The following WRAP53 variants were observed in gnomAD, a reference collection of about 807,000 sequenced individuals.
WRAP53 encodes the protein WD repeat containing antisense to TP53, also known as telomerase Cajal body protein 1.
In WRAP53, 28 loss-of-function variants were observed where a neutral mutation model predicts 56.6. The ratio of observed to expected loss-of-function variants is 0.50; its 90% CI spans 0.37 to 0.68. The LOEUF is 0.68. Among genes scored for constraint, WRAP53 ranks in the 30% least tolerant of loss-of-function variants. WRAP53 has a pLI of 0.00. For synonymous variants in WRAP53, 283 were observed against 283.4 expected (o/e 1.00, Z 0.01); for missense variants, 671 against 715.5 (o/e 0.94, Z 0.71).
In WRAP53 at chr17:7,703,322, G is replaced by A; in HGVS notation, c.1483G>A (p.Gly495Arg). The change falls in exon 11 of 11, where the codon GGA becomes AGA. Residue 495 changes from glycine (G) to arginine (R), a missense_variant. This residue lies in a region of WRAP53 where 107 missense variants were observed against 81.3 expected (regional missense o/e 1.32). Coordinates refer to ENST00000396463, the MANE Select transcript of WRAP53 (RefSeq NM_001143992.2). ...TGAGCCCACAGAGAGTGGGGACGAA[G>A]GAGAGGAGCTGGGCCTTCCCTTGCT... ...FPEPTESGDEGEELGLPLLST... is the reference protein window; with the variant it reads ...FPEPTESGDEREELGLPLLST... The A allele has an allele frequency of 2.5e-6, 4 of 1,614,046 alleles. No homozygotes were observed. The highest frequency in any genetic ancestry group is 1.3e-5 in the African/African-American group (1 of 75,022).
rs1418483611 is a variant in WRAP53, at chr17:7,701,440, G to C, written c.732-19G>C. On this transcript the variant is annotated intron_variant, in intron 5 of 10. Transcript: ENST00000396463. This position sits in a 1 kb window ranked among gnomAD's most constrained non-coding sequence, Gnocchi z 4.2. ...TTCCTTTGACAGCACCGGGGTTTCA[G>C]TGTCCATGTCTCTCTCAGCGTGGCC... 6.2e-7 allele frequency: 1 copy of C among 1,614,058 alleles called. No individual in the cohort carries two copies. The highest frequency in any genetic ancestry group is 1.1e-5 in the South Asian group (1 of 91,084).
Position 7,701,956 on chromosome 17 carries a change from T to C in WRAP53, c.955+167T>C, listed in dbSNP as rs2074281686. ...GAGGAGCAAACAGGCTCAGAGCAGG[T>C]AGGAAACCTTCCCAAGGCCAACCAG... On this transcript the variant is annotated intron_variant, in intron 7 of 10. Coordinates refer to ENST00000396463, the MANE Select transcript of WRAP53 (RefSeq NM_001143992.2). This position sits in a 1 kb window ranked among gnomAD's most constrained non-coding sequence, Gnocchi z 4.2. 2 of 1,205,354 alleles carry C rather than the reference T, an allele frequency of 1.7e-6. No homozygotes were observed. The highest frequency in any genetic ancestry group is 5.1e-5 in the East Asian group (2 of 39,372). 74.7% of individuals were successfully genotyped at this position (1,205,354 alleles called of 1,614,324 possible).
chr17:7,699,814 G>A (rs1393892807), intron 4 of WRAP53, among the ~76,000 whole-genome samples: 3 of 150,406 alleles, frequency 2.0e-5, no homozygotes, highest in Non-Finnish European at 3.0e-5. Context: ...AGCTCACTGT[G>A]GTCTCTATCT....
intron 4 of WRAP53, among the ~76,000 whole-genome samples, chr17:7,695,724 A>G (rs748755473): frequency 3.9e-5 from 6 of 152,150 alleles, no homozygotes; most frequent in Non-Finnish European, 7.4e-5. Context: ...GCCAAAAGCC[A>G]GGGTCTCTCT....
At chr17:7,694,675 GATCCTGTCTCT>G (rs2074158773) in intron 4 of WRAP53, among the ~76,000 whole-genome samples, 1 of 152,052 alleles carries the variant, frequency 6.6e-6, no homozygotes, top group Non-Finnish European at 1.5e-5. Flanking sequence ...AACACAGCCA[GATCCTGTCTCT>G]ATCAAAAAAG....
chr17:7,695,044 C>T (rs1016895133), intron 4 of WRAP53, among the ~76,000 whole-genome samples: 4 of 152,114 alleles, frequency 2.6e-5, no homozygotes, highest in African/African-American at 9.6e-5. Flanking sequence ...GCTCCGCCTC[C>T]CGGGTTCACG....
intron 4 of WRAP53, among the ~76,000 whole-genome samples, chr17:7,699,476 T>TA (rs2074234978): frequency 8.8e-5 from 1 of 11,400 alleles, no homozygotes. Context: ...ATATATATAT[T>TA]TATATATATA....
chr17:7,692,746 CTT>C (rs1177019881), intron 4 of WRAP53, among the ~76,000 whole-genome samples: 4 of 98,044 alleles, frequency 4.1e-5, no homozygotes, highest in African/African-American at 1.0e-4. Context: ...GGTCATTCTC[CTT>C]TTTTTTTTTT....
rs375474753 is a variant in WRAP53 at position 7,701,491 on chromosome 17, A to G, written c.764A>G (p.His255Arg). ...VASSSRENPI[H>R]IWDAFTGELR... ...AGCAGCAGCCGGGAGAACCCGATTCATATCTGGGACGCATTCACTGGAGAG... is the reference window on the plus strand; with the variant it reads ...AGCAGCAGCCGGGAGAACCCGATTCGTATCTGGGACGCATTCACTGGAGAG... The change falls in exon 6 of 11, where the codon CAT (histidine) becomes CGT (arginine). Residue 255 changes from histidine to arginine, a missense_variant. His to Arg is a conservative substitution (Grantham distance 29, BLOSUM62 0). This residue lies in a region of WRAP53 where 406 missense variants were observed against 418.5 expected (regional missense o/e 0.97). Coordinates refer to ENST00000396463, the MANE Select transcript of WRAP53 (RefSeq NM_001143992.2). The surrounding 1 kb of genome is among the most constrained non-coding windows in gnomAD (Gnocchi z 4.2). 93 of 1,614,070 alleles carry G rather than the reference A, an allele frequency of 5.8e-5. No homozygotes were observed. The highest frequency in any genetic ancestry group is 7.8e-5 in the Non-Finnish European group (92 of 1,180,044).
In WRAP53 at chr17:7,701,920, C is replaced by T; in HGVS notation, c.955+131C>T. ...TGTACGGCCCCGGGAGCAGGTGCAG[C>T]CCAGTCGGCAGAGGAGCAAACAGGC... On this transcript the variant is annotated intron_variant, in intron 7 of 10. Transcript: ENST00000396463. The surrounding 1 kb of genome is among the most constrained non-coding windows in gnomAD (Gnocchi z 4.2). 1 of 1,459,566 alleles carries T rather than the reference C, an allele frequency of 6.9e-7. No individual in the cohort carries two copies. The highest frequency in any genetic ancestry group is 9.3e-7 in the Non-Finnish European group (1 of 1,075,926). The allele number at this position is 1,459,566 out of a possible 1,614,324, so 90.4% of individuals were successfully genotyped here. A position where few individuals can be genotyped will look rare whatever the true frequency, so the allele number is the denominator to read the frequency against.
At chr17:7,687,483 CTT>C (rs1482406031), upstream of WRAP53, 1 of 398,536 alleles carries the variant, frequency 2.5e-6, no homozygotes, top group Non-Finnish European at 4.4e-6. Context: ...TGGCTCTAGA[CTT>C]TTGAGAAGCT....
In WRAP53 at chr17:7,688,770, T is replaced by C. The variant is rs1034121350; in HGVS notation, c.122T>C (p.Met41Thr). ...AATAAAAATGCGGACTCTGAACTGA[T>C]GCCACCGCCTCCCGAAAGGGGGGAT... ...PMNKNADSEL[M>T]PPPPERGDPP... The change falls in exon 2 of 11, where the codon ATG (methionine) becomes ACG (threonine). Residue 41 changes from methionine (M) to threonine (T), a missense_variant. Met to Thr is a moderately conservative substitution (Grantham distance 81, BLOSUM62 -1). This residue lies in a region of WRAP53 where 406 missense variants were observed against 418.5 expected (regional missense o/e 0.97). Transcript: ENST00000396463. 7 of 1,614,034 alleles carry C rather than the reference T, an allele frequency of 4.3e-6. No individual in the cohort carries two copies. Among genetic ancestry groups the C allele is most frequent in the African/African-American group, 2.7e-5 (2 of 74,906 alleles).
At chr17:7,689,461 A>C in intron 3 of WRAP53, 129 bp from the exon 4 acceptor site, 1 of 1,259,424 alleles carries the variant, frequency 7.9e-7, no homozygotes, top group Non-Finnish European at 1.1e-6. Flanking sequence ...CATTTTATCT[A>C]GCAGTTTGTG....
chr17:7,699,502 T>TATATATATTTA (rs1567577549), intron 4 of WRAP53, among the ~76,000 whole-genome samples: 4 of 11,754 alleles, frequency 3.4e-4, no homozygotes, highest in Non-Finnish European at 5.3e-4. Flanking sequence ...ATATATATAT[T>TATATATATTTA]TATATATATA....
intron 4 of WRAP53, among the ~76,000 whole-genome samples, chr17:7,698,630 C>T (rs984428896): frequency 5.3e-5 from 8 of 152,090 alleles, no homozygotes; most frequent in Admixed American, 4.6e-4. Flanking sequence ...GTAATCCCAG[C>T]ACTTGGGAGA....
upstream of WRAP53, chr17:7,688,394 G>A (rs564330662): frequency 1.1e-4 from 60 of 547,736 alleles, no homozygotes; most frequent in Middle Eastern, 4.8e-4. Context: ...AATCTGATCC[G>A]GGATGCGGCG....
chr17:7,694,690 A>C (rs1190939909), intron 4 of WRAP53, among the ~76,000 whole-genome samples: 1 of 152,012 alleles, frequency 6.6e-6, no homozygotes. Flanking sequence ...TGTCTCTATC[A>C]AAAAAGTTGG....
Position 7,702,925 on chromosome 17 carries a change from C to T in WRAP53, c.1269-68C>T, listed in dbSNP as rs541688717. 2 of 1,612,766 alleles carry T rather than the reference C, an allele frequency of 1.2e-6. No individual in the cohort carries two copies. Among genetic ancestry groups the T allele is most frequent in the African/African-American group, 2.7e-5 (2 of 74,900 alleles). On this transcript the variant is annotated intron_variant, in intron 9 of 10. Transcript: ENST00000396463. The surrounding 1 kb of genome is among the most constrained non-coding windows in gnomAD (Gnocchi z 5.0). ...AGAGCCCAGCTGTAGGGTCCCAGTC[C>T]CTGGGTGTGAGGGGTTCCTGCCCCA...
chr17:7,686,612 T>A (rs1464138026), upstream of WRAP53: 3 of 152,134 alleles, frequency 2.0e-5, no homozygotes, highest in Non-Finnish European at 4.4e-5. Flanking sequence ...CTCTCTCTCC[T>A]CCCCTCTCAT....
Sources: gnomAD v4.1 joint callset for allele counts (sites outside exome capture counted in the v4.1 genomes callset) on GRCh38, gnomAD v4.1.1 for gene constraint, gnomAD v4.1.1 regional missense constraint, Gnocchi (gnomAD v3.1) non-coding constraint, MANE v1.5 for transcripts, NCBI Gene and HGNC (gene_info 2026-07-23, HGNC 2026-07-21) for gene names.